GAK: variants seen among roughly 807,000 people sequenced by gnomAD.
GAK encodes the protein cyclin-G-associated kinase.
A neutral mutation model predicts 143.9 loss-of-function variants in GAK; 79 were observed. The ratio of observed to expected loss-of-function variants is 0.55; its 90% CI spans 0.46 to 0.66. The LOEUF (loss-of-function observed/expected upper bound fraction) is 0.66, where lower values mean the gene tolerates loss of function less well. Among genes scored for constraint, GAK ranks in the 30% least tolerant of loss-of-function variants. The probability of loss-of-function intolerance (pLI) is 0.00; values close to 1 mark genes in which losing one functional copy is unlikely to be tolerated. For missense variants in GAK, 1,693 were observed against 1,779.7 expected, an observed-to-expected ratio of 0.95 and a Z score of 0.88; for synonymous variants, 881 against 765.5, an observed-to-expected ratio of 1.15 and a Z score of -2.49.
At chr4:866,303 G>T (rs2152743051) in intron 22 of GAK, 61 bp downstream of exon 22, 1 of 1,529,096 alleles carries the variant, frequency 6.5e-7, no homozygotes, top group Non-Finnish European at 9.0e-7. Flanking sequence ...TTTCCCACCA[G>T]AGGCTGCGGT....
chr4:931,697 C>G (rs1353406294), intron 1 of GAK, among the ~76,000 whole-genome samples: 1 of 152,204 alleles, frequency 6.6e-6, no homozygotes, highest in Non-Finnish European at 1.5e-5. Flanking sequence ...CATCCCCCAC[C>G]TCACCGTAAC....
intron 1 of GAK, among the ~76,000 whole-genome samples, chr4:925,178 A>G (rs568033746): frequency 4.1e-4 from 63 of 152,320 alleles, no homozygotes; most frequent in Middle Eastern, 3.4e-3. Flanking sequence ...CACAAATCAA[A>G]GCTTGACACT....
At chr4:852,227 A>T (rs1748295163) in intron 24 of GAK, 1 of 569,084 alleles carries the variant, frequency 1.8e-6, no homozygotes, top group African/African-American at 1.9e-5. Context: ...GCAGCTGTGG[A>T]GGCAGCACCC....
chr4:910,588 G>C (rs889262480), intron 4 of GAK, among the ~76,000 whole-genome samples: 1 of 152,034 alleles, frequency 6.6e-6, no homozygotes, highest in Non-Finnish European at 1.5e-5. Flanking sequence ...TGCGCTAGCC[G>C]GCCTGCGGGA....
At chr4:896,591 CAA>C (rs1270693242) in intron 6 of GAK, 42 bp from the exon 7 acceptor site, 1 of 1,469,576 alleles carries the variant, frequency 6.8e-7, no homozygotes, top group African/African-American at 1.4e-5. Context: ...TTGCATCCCA[CAA>C]ACAGTATTTT....
intron 11 of GAK, chr4:887,252 A>T (rs1024731316): frequency 1.4e-5 from 2 of 147,356 alleles, no homozygotes; most frequent in African/African-American, 2.5e-5. Context: ...GTACACATGC[A>T]CGCGGCTCAC....
chr4:858,894 T>C (rs551129697), intron 24 of GAK, among the ~76,000 whole-genome samples: 2 of 152,344 alleles, frequency 1.3e-5, no homozygotes, highest in South Asian at 2.1e-4. Flanking sequence ...GGCTGCATGC[T>C]GGAGCGTCCG....
chr4:853,262 T>G (rs1748508097), intron 24 of GAK: 1 of 152,306 alleles, frequency 6.6e-6, no homozygotes, highest in East Asian at 1.9e-4. Context: ...GACCACCTAT[T>G]GAACCGTTCA....
rs573248210 is a variant in GAK at position 904,632 on chromosome 4, A to G, written c.525+5T>C. 6.4e-7 allele frequency: 1 copy of G among 1,572,866 alleles called. No homozygotes were observed. Among genetic ancestry groups the G allele is most frequent in the East Asian group, 2.3e-5 (1 of 43,992 alleles). On this transcript the variant is annotated splice_donor_5th_base_variant and intron_variant, in intron 5 of 27. Transcript: ENST00000314167. ...TTGGCAGCCGCGTGTGGAGGGAGCCACTACCTTGAGGTCCCTGTGGATGAT... is the reference window on the plus strand; with the variant it reads ...TTGGCAGCCGCGTGTGGAGGGAGCCGCTACCTTGAGGTCCCTGTGGATGAT...
At chr4:928,379 C>A (rs1725176371) in intron 1 of GAK, among the ~76,000 whole-genome samples, 1 of 152,100 alleles carries the variant, frequency 6.6e-6, no homozygotes. Context: ...TAAGATCAGT[C>A]TAAGGCTGGG....
chr4:896,367 C>T (rs1718771866), intron 7 of GAK, 93 bp downstream of exon 7: 2 of 931,578 alleles, frequency 2.1e-6, no homozygotes, highest in Admixed American at 3.6e-5. Flanking sequence ...GGAGGCAGGC[C>T]AGTTCCGAGT....
intron 23 of GAK, among the ~76,000 whole-genome samples, chr4:863,097 G>A (rs1331109359): frequency 6.6e-6 from 1 of 152,242 alleles, no homozygotes; most frequent in East Asian, 1.9e-4. Context: ...CGATTCACAG[G>A]AAGAGGTTAA....
intron 4 of GAK, among the ~76,000 whole-genome samples, chr4:905,054 A>AGT (rs1190999791): frequency 1.3e-5 from 2 of 152,104 alleles, no homozygotes; most frequent in Non-Finnish European, 2.9e-5. Context: ...TTTGCACAGG[A>AGT]GTGTGACCTT....
chr4:850,130 CGGAAACTGA>C (rs1747859192), intron 26 of GAK, 62 bp from the exon 27 acceptor site: 1 of 1,459,346 alleles, frequency 6.9e-7, no homozygotes, highest in South Asian at 1.3e-5. Flanking sequence ...CTCTGCACCG[CGGAAACTGA>C]GGCACGACGC....
At chr4:904,849 CA>C (rs1720779625) in intron 4 of GAK, 70 bp from the exon 5 acceptor site, 1 of 1,499,380 alleles carries the variant, frequency 6.7e-7, no homozygotes, top group Non-Finnish European at 9.1e-7. Context: ...AGGGCTGTTT[CA>C]CGCGGACTTC....
chr4:854,579 C>T (rs562072048), intron 24 of GAK, among the ~76,000 whole-genome samples: 14 of 152,326 alleles, frequency 9.2e-5, no homozygotes, highest in East Asian at 7.7e-4. Flanking sequence ...ATCTGATGAA[C>T]GGGTTTTCTG....
At chr4:898,244 C>A (rs1325799788) in intron 5 of GAK, 86 bp from the exon 6 acceptor site, 8 of 1,519,238 alleles carry the variant, frequency 5.3e-6, no homozygotes, top group Non-Finnish European at 6.3e-6. Flanking sequence ...GAGACACAGC[C>A]AGGGCCCTTC....
At chr4:929,460 G>A (rs907716039) in intron 1 of GAK, among the ~76,000 whole-genome samples, 1 of 152,172 alleles carries the variant, frequency 6.6e-6, no homozygotes, top group African/African-American at 2.4e-5. Flanking sequence ...CTCCACTTCA[G>A]AAGCAACGGC....
intron 8 of GAK, 112 bp downstream of exon 8, chr4:893,762 G>T: frequency 7.8e-7 from 1 of 1,278,562 alleles, no homozygotes; most frequent in Non-Finnish European, 1.1e-6. Flanking sequence ...CTATGGTGAC[G>T]GGCGGGAGTG....
Sources: gnomAD v4.1 joint callset for allele counts (sites outside exome capture counted in the v4.1 genomes callset) on GRCh38, gnomAD v4.1.1 for gene constraint, MANE v1.5 for transcripts, NCBI Gene and HGNC (gene_info 2026-07-23, HGNC 2026-07-21) for gene names.